Variants in RBFOX2 observed in about 807,000 individuals in gnomAD.
RBFOX2 encodes RNA binding fox-1 homolog 2, also known as RNA binding protein fox-1 homolog 2.
RBFOX2 carries 10 observed loss-of-function variants against 49.1 expected under a neutral mutation model. The observed-to-expected ratio is 0.20, with a 90% CI of 0.13 to 0.35. The LOEUF (loss-of-function observed/expected upper bound fraction) is 0.35. Ranked by LOEUF, RBFOX2 falls within the 10% of genes least tolerant of loss-of-function variation. The probability of loss-of-function intolerance (pLI) is 1.00; values close to 1 mark genes in which losing one functional copy is unlikely to be tolerated. For missense variants in RBFOX2, 323 were observed against 486.9 expected (o/e 0.66, Z 3.17); for synonymous variants, 183 against 187.4 (o/e 0.98, Z 0.19).
chr22:35,865,302 A>G (rs2043543855), intron 1 of RBFOX2, among the ~76,000 whole-genome samples: 1 of 152,178 alleles, frequency 6.6e-6, no homozygotes, highest in Non-Finnish European at 1.5e-5. Context: ...TAAGATCAAC[A>G]CCATATAACA....
At chr22:35,866,820 C>G (rs945966621) in intron 1 of RBFOX2, among the ~76,000 whole-genome samples, 1 of 152,188 alleles carries the variant, frequency 6.6e-6, no homozygotes, top group Non-Finnish European at 1.5e-5. Context: ...CCACTTCACT[C>G]CCACTCACGC....
chr22:36,010,643 G>C (rs950371750), intron 1 of RBFOX2, among the ~76,000 whole-genome samples: 14 of 151,092 alleles, frequency 9.3e-5, no homozygotes, highest in Admixed American at 7.3e-4. Context: ...TTTAAATGTG[G>C]AAGTCTATAA....
intron 3 of RBFOX2, 34 bp from the exon 5 acceptor site, chr22:35,778,112 G>C (rs769159702): frequency 1.3e-6 from 2 of 1,548,456 alleles, no homozygotes; most frequent in Non-Finnish European, 1.8e-6. Flanking sequence ...TTTACTTATG[G>C]TCAGGTTTTT....
At chr22:35,822,777 C>A (rs1272563892) in intron 1 of RBFOX2, 1 of 420,102 alleles carries the variant, frequency 2.4e-6, no homozygotes, top group South Asian at 1.7e-5. Context: ...TTCTGATCAA[C>A]TTCTTTGGAG....
At chr22:36,015,764 G>A (rs1399286403) in intron 1 of RBFOX2, among the ~76,000 whole-genome samples, 1 of 151,594 alleles carries the variant, frequency 6.6e-6, no homozygotes, top group Non-Finnish European at 1.5e-5. Flanking sequence ...AATCGGGGCA[G>A]GGGGCTAAAA....
intron 1 of RBFOX2, among the ~76,000 whole-genome samples, chr22:35,908,427 A>AT (rs2049372528): frequency 6.6e-6 from 1 of 152,242 alleles, no homozygotes; most frequent in East Asian, 1.9e-4. Context: ...ATTAGGTTAC[A>AT]GTTGGGTAAA....
At position 35,810,012 on chromosome 22, in the gene RBFOX2, A is replaced by AAAC; in HGVS notation, c.28-11_28-9dup. ...TGTCGGCTCCTGGTTACCCTAAAAC[A>AAAC]AACAACAAGAGAAAGAAAAAGTGAC... is the stretch of plus-strand genomic sequence containing the variant. On this transcript the variant is annotated splice_polypyrimidine_tract_variant and intron_variant, in intron 1 of 11. Transcript: ENST00000405409. The AAAC allele has an allele frequency of 6.2e-7, 1 of 1,613,342 alleles. No homozygotes were observed. The highest frequency in any genetic ancestry group is 8.5e-7 in the Non-Finnish European group (1 of 1,179,530).
intron 1 of RBFOX2, among the ~76,000 whole-genome samples, chr22:35,958,715 A>C (rs1342409845): frequency 6.6e-6 from 1 of 152,208 alleles, no homozygotes; most frequent in Non-Finnish European, 1.5e-5. Context: ...AAAGACTTCA[A>C]ACAACTTCAA....
chr22:35,884,703 G>T (rs1056773708), intron 1 of RBFOX2, among the ~76,000 whole-genome samples: 7 of 152,214 alleles, frequency 4.6e-5, no homozygotes, highest in Non-Finnish European at 7.3e-5. Flanking sequence ...CATTCAAAGT[G>T]AGTCACTAGG....
intron 1 of RBFOX2, chr22:35,897,628 T>G (rs1208813186): frequency 4.4e-6 from 6 of 1,375,806 alleles, no homozygotes; most frequent in Non-Finnish European, 4.1e-6. Flanking sequence ...GGTTTTCCCA[T>G]TGGCATCAGG....
At chr22:35,880,184 T>C (rs2045701130) in intron 1 of RBFOX2, among the ~76,000 whole-genome samples, 1 of 150,884 alleles carries the variant, frequency 6.6e-6, no homozygotes, top group Admixed American at 6.6e-5. Flanking sequence ...CTAGTATGGA[T>C]TGAATTTAGG....
intron 1 of RBFOX2, among the ~76,000 whole-genome samples, chr22:35,921,850 A>G (rs138394197): frequency 6.6e-6 from 1 of 152,336 alleles, no homozygotes; most frequent in Non-Finnish European, 1.5e-5. Flanking sequence ...TCTGGGGCAG[A>G]GGGGCAGATT....
chr22:35,917,898 G>A (rs920955941), intron 1 of RBFOX2, among the ~76,000 whole-genome samples: 3 of 152,110 alleles, frequency 2.0e-5, no homozygotes, highest in African/African-American at 7.2e-5. Context: ...CTCTGCACTG[G>A]GAAAAAAGCA....
intron 1 of RBFOX2, among the ~76,000 whole-genome samples, chr22:36,027,683 C>T (rs1002971454): frequency 6.6e-6 from 1 of 152,168 alleles, no homozygotes; most frequent in Non-Finnish European, 1.5e-5. Flanking sequence ...CATAACATTA[C>T]CAAACTCCTT....
chr22:35,778,109 A>G, intron 3 of RBFOX2, 31 bp from the exon 5 acceptor site: 1 of 1,564,624 alleles, frequency 6.4e-7, no homozygotes, highest in South Asian at 1.1e-5. Flanking sequence ...ACGTTTACTT[A>G]TGGTCAGGTT....
At chr22:36,026,958 C>T (rs1050512449) in intron 1 of RBFOX2, among the ~76,000 whole-genome samples, 2 of 152,104 alleles carry the variant, frequency 1.3e-5, no homozygotes, top group African/African-American at 4.8e-5. Context: ...GCAGAGATTT[C>T]CAAGAGTGGT....
chr22:35,776,606 AAAT>A (rs1943971943), intron 4 of RBFOX2, among the ~76,000 whole-genome samples: 2 of 152,222 alleles, frequency 1.3e-5, no homozygotes, highest in Admixed American at 6.5e-5. Flanking sequence ...TTGGAGAGGT[AAAT>A]ATTAGCTCAT....
intron 1 of RBFOX2, among the ~76,000 whole-genome samples, chr22:35,876,271 G>A (rs981514577): frequency 2.8e-4 from 43 of 151,656 alleles, no homozygotes; most frequent in Non-Finnish European, 1.5e-5. Flanking sequence ...TGTCACCCAG[G>A]CTAGAGTGCA....
At chr22:35,852,622 G>A (rs1332197278) in intron 1 of RBFOX2, among the ~76,000 whole-genome samples, 1 of 151,980 alleles carries the variant, frequency 6.6e-6, no homozygotes, top group Non-Finnish European at 1.5e-5. Context: ...AGTACAGCAG[G>A]ATGGGCCACA....
Sources: gnomAD v4.1 joint callset for allele counts (sites outside exome capture counted in the v4.1 genomes callset) on GRCh38, gnomAD v4.1.1 for gene constraint, MANE v1.5 for transcripts, NCBI Gene and HGNC (gene_info 2026-07-23, HGNC 2026-07-21) for gene names.